MKS1: variants seen among roughly 807,000 people sequenced by gnomAD.
MKS1 encodes the protein tectonic-like complex member MKS1.
A neutral mutation model predicts 83.7 loss-of-function variants in MKS1; 70 were observed. The observed-to-expected ratio is 0.84, with a 90% CI of 0.69 to 1.02. The LOEUF is 1.02. MKS1 is among the 50% of genes least tolerant of loss of function. MKS1 has a pLI of 0.00. For synonymous variants in MKS1, 251 were observed against 273.4 expected (o/e 0.92, Z 0.81); for missense variants, 681 against 726.9 (o/e 0.94, Z 0.73).
chr17:58,218,372 C>T (rs1969364579), intron 2 of MKS1, among the ~76,000 whole-genome samples: 1 of 138,646 alleles, frequency 7.2e-6, no homozygotes, highest in Admixed American at 8.0e-5. Context: ...CGCGTGAACC[C>T]GGGAGGCGGA....
chr17:58,207,268 C>T (rs375457669), intron 14 of MKS1, 50 bp from the exon 15 acceptor site: 171 of 1,610,972 alleles, frequency 1.1e-4, no homozygotes, highest in Non-Finnish European at 1.4e-4. Flanking sequence ...GGGCATGTGG[C>T]CCCTCACTGA....
rs35298266 is a variant in MKS1 at position 58,205,727 on chromosome 17, AC to A, written c.*351del. 0.051 allele frequency: 68,933 copies of A among 1,352,134 alleles called. 2,171 individuals are homozygous for A. The highest frequency in any genetic ancestry group is 0.061 in the Non-Finnish European group (61,854 of 1,021,148). The allele number at this position is 1,352,134 out of a possible 1,614,324, so 83.8% of individuals were successfully genotyped here. ...AGGCTCCATTTTTAAAGGGTGGAGA[AC>A]AGCAGATCCCCTGCTACTGTGAGAC... is the stretch of plus-strand genomic sequence containing the variant. On this transcript the variant is annotated 3_prime_UTR_variant, in exon 18 of 18. Transcript: ENST00000393119.
chr17:58,213,931 A>G (rs976727984), intron 6 of MKS1, 62 bp from the exon 7 acceptor site: 1 of 1,344,466 alleles, frequency 7.4e-7, no homozygotes, highest in Non-Finnish European at 1.1e-6. Flanking sequence ...AAGAAGAGAT[A>G]CTGAGCCCAC....
rs1384512209 is a variant in MKS1, at chr17:58,210,579, A to C, written c.1024+80T>G. ...AGAACAGTAACAGTTTCAGCAGAGG[A>C]GTGGGAAAGGAAGCCTGACCAAATG... On this transcript the variant is annotated intron_variant, in intron 11 of 17. Coordinates refer to ENST00000393119, the MANE Select transcript of MKS1 (RefSeq NM_017777.4). The C allele has an allele frequency of 3.2e-6, 4 of 1,266,144 alleles. No homozygotes were observed. The East Asian group carries it at 9.2e-5, about 29-fold the overall frequency. 78.4% of individuals were successfully genotyped at this position (1,266,144 alleles called of 1,614,324 possible).
chr17:58,207,841 G>C (rs1360971314), intron 14 of MKS1, 53 bp downstream of exon 14: 3 of 1,486,020 alleles, frequency 2.0e-6, no homozygotes, highest in African/African-American at 1.4e-5. Flanking sequence ...TGTTAGTCTT[G>C]TTCTTAGGGC....
Position 58,214,828 on chromosome 17 carries a change from C to G in MKS1, c.428G>C (p.Arg143Thr). ...CACCTCGCTGGCTGCAGTGGTCATT[C>G]TCTGACAGTGCTGGGAAAAGCAAGC... ...RYTNLEEHCQ[R>T]MTTAASEVPS... Residue 143 changes from arginine to threonine, a missense_variant, in exon 5 of 18, where the codon AGA (arginine) becomes ACA (threonine). Physicochemically the swap from Arg to Thr is moderately conservative, Grantham distance 71. Around this residue, in one of 3 missense-constraint regions of MKS1, gnomAD observed 365 missense variants for 383.8 expected, o/e 0.95. Transcript: ENST00000393119. 1.2e-6 allele frequency: 2 copies of G among 1,602,864 alleles called. No individual in the cohort carries two copies. Among genetic ancestry groups the G allele is most frequent in the Non-Finnish European group, 1.7e-6 (2 of 1,179,200 alleles).
At chr17:58,217,633 A>C (rs1255824434) in intron 2 of MKS1, among the ~76,000 whole-genome samples, 1 of 151,998 alleles carries the variant, frequency 6.6e-6, no homozygotes, top group Non-Finnish European at 1.5e-5. Flanking sequence ...ACATAGCAAG[A>C]CCTTTTCTCT....
chr17:58,214,869 A>C (rs1326849711), intron 4 of MKS1, 31 bp from the exon 5 acceptor site: 1 of 1,582,454 alleles, frequency 6.3e-7, no homozygotes, highest in Admixed American at 1.7e-5. Context: ...TGTGTACGCC[A>C]TCTGGTCAGG....
rs746647549 is a variant in MKS1, at chr17:58,214,264, A to G, written c.639T>C (p.Tyr213=). ...TMHIMADLGP[Y]KKLGYKKYEH... ...CAGTGAGAAGCGCCACTCACTTTTT[A>G]TAGGGCCCCAGGTCTGCCATGATGT... Residue 213 remains tyrosine (Y), a synonymous_variant, in exon 6 of 18, where the codon TAT becomes TAC. Transcript: ENST00000393119. 1.2e-6 allele frequency: 2 copies of G among 1,614,190 alleles called. No homozygotes were observed. The highest frequency in any genetic ancestry group is 3.3e-5 in the Admixed American group (2 of 60,028).
intron 11 of MKS1, 75 bp from the exon 12 acceptor site, chr17:58,208,658 T>A (rs139268728): frequency 7.6e-5 from 105 of 1,387,322 alleles, no homozygotes; most frequent in Admixed American, 1.9e-4. Context: ...CAGTTTCTTT[T>A]TTCTTTTCTT....
At chr17:58,211,292 G>A (rs1463196869) in intron 9 of MKS1, among the ~76,000 whole-genome samples, 1 of 152,234 alleles carries the variant, frequency 6.6e-6, no homozygotes, top group South Asian at 2.1e-4. Flanking sequence ...CTGTCCTGTG[G>A]TGTGCAATGG....
At chr17:58,208,484 T>C (rs1469719093) in intron 12 of MKS1, 29 bp downstream of exon 12, 1 of 1,610,722 alleles carries the variant, frequency 6.2e-7, no homozygotes, top group South Asian at 1.1e-5. Flanking sequence ...TCTCATTCCC[T>C]TCCAGATACC....
At position 58,207,766 on chromosome 17, in the gene MKS1, G is replaced by T. The variant is rs1345382925; in HGVS notation, c.1273+128C>A. 5.4e-6 allele frequency: 5 copies of T among 925,552 alleles called. No homozygotes were observed. The South Asian group carries it at 5.6e-5, about 10-fold the overall frequency. The allele number at this position is 925,552 out of a possible 1,614,324, so 57.3% of individuals were successfully genotyped here. A position where few individuals can be genotyped will look rare whatever the true frequency, so the allele number is the denominator to read the frequency against. On this transcript the variant is annotated intron_variant, in intron 14 of 17. Transcript: ENST00000393119. ...GGGCAGAAAGTCCTCAGAGGAACAG[G>T]AACTCTTTCAAGCCAAACATTTCCA...
chr17:58,211,631 T>C (rs1019688652), intron 9 of MKS1, among the ~76,000 whole-genome samples: 7 of 152,220 alleles, frequency 4.6e-5, no homozygotes, highest in Non-Finnish European at 2.9e-5. Context: ...GGTGTGATCA[T>C]AGCTCAATGC....
rs1156774653 is a variant in MKS1, at chr17:58,213,172, G to C, written c.750-82C>G. On this transcript the variant is annotated intron_variant, in intron 7 of 17. Coordinates refer to ENST00000393119, the MANE Select transcript of MKS1 (RefSeq NM_017777.4). ...GATAGCTCCCAGCCCAGGGATGAGCGATCAGGGGCCATACACCTCACTAAA... is the reference window on the plus strand; with the variant it reads ...GATAGCTCCCAGCCCAGGGATGAGCCATCAGGGGCCATACACCTCACTAAA... 6 of 1,315,166 alleles carry C rather than the reference G, an allele frequency of 4.6e-6. No individual in the cohort carries two copies. The African/African-American group carries it at 7.3e-5, about 16-fold the overall frequency. 81.5% of individuals were successfully genotyped at this position (1,315,166 alleles called of 1,614,324 possible). A position where few individuals can be genotyped will look rare whatever the true frequency, so the allele number is the denominator to read the frequency against.
intron 9 of MKS1, 115 bp from the exon 10 acceptor site, chr17:58,211,137 G>T: frequency 1.0e-6 from 1 of 962,558 alleles, no homozygotes; most frequent in Non-Finnish European, 1.7e-6. Flanking sequence ...GGCCCTGGGT[G>T]TCACTACTGC....
At chr17:58,216,548 C>G in intron 3 of MKS1, 118 bp downstream of exon 3, 2 of 1,178,024 alleles carry the variant, frequency 1.7e-6, no homozygotes, top group Middle Eastern at 1.9e-4. Flanking sequence ...TTAAACACAA[C>G]AGGGGAAAGT....
At position 58,205,788 on chromosome 17, in the gene MKS1, T is replaced by C. The variant is rs1455534895; in HGVS notation, c.*291A>G. On this transcript the variant is annotated 3_prime_UTR_variant, in exon 18 of 18. Transcript: ENST00000393119. Reference sequence around the variant, plus strand: ...AAGTGAGTCAAGGCCAGACTCACTATGGGGTCACCCCAAACAGCTTCAGAT... The same window carrying C: ...AAGTGAGTCAAGGCCAGACTCACTACGGGGTCACCCCAAACAGCTTCAGAT... 48 of 1,439,740 alleles carry C rather than the reference T, an allele frequency of 3.3e-5. No homozygotes were observed. The highest frequency in any genetic ancestry group is 4.3e-5 in the African/African-American group (3 of 70,336). 89.2% of individuals were successfully genotyped at this position (1,439,740 alleles called of 1,614,324 possible).
At chr17:58,207,297 G>A in intron 14 of MKS1, 79 bp from the exon 15 acceptor site, 1 of 1,592,676 alleles carries the variant, frequency 6.3e-7, no homozygotes, top group Non-Finnish European at 8.6e-7. Context: ...CAATGACACA[G>A]GCCTAGACTC....
Sources: gnomAD v4.1 joint callset for allele counts (sites outside exome capture counted in the v4.1 genomes callset) on GRCh38, gnomAD v4.1.1 for gene constraint, gnomAD v4.1.1 regional missense constraint, MANE v1.5 for transcripts, NCBI Gene and HGNC (gene_info 2026-07-23, HGNC 2026-07-21) for gene names.